Variants in TPP2 observed in about 807,000 individuals in gnomAD.
The protein encoded by TPP2 is tripeptidyl-peptidase 2.
Under a neutral mutation model 155.9 loss-of-function variants are expected in TPP2, and 34 were observed. The observed-to-expected ratio is 0.22, with a 90% CI of 0.17 to 0.29. The LOEUF is 0.29. TPP2 is among the 10% of genes least tolerant of loss of function. TPP2 has a pLI of 1.00. For missense variants in TPP2, 1,028 were observed against 1,522.3 expected (o/e 0.68, Z 5.40); for synonymous variants, 510 against 529.4 (o/e 0.96, Z 0.50).
In TPP2 at chr13:102,649,197, T is replaced by C. The variant is rs767573614; in HGVS notation, c.2873+46T>C. Reference sequence around the variant, plus strand: ...TACTTACTGCCCATCGTATACACTGTAGTCCTTTTAATGTCAGTTTATGAC... The same window carrying C: ...TACTTACTGCCCATCGTATACACTGCAGTCCTTTTAATGTCAGTTTATGAC... On this transcript the variant is annotated intron_variant, in intron 22 of 29. Transcript: ENST00000376052. 3.9e-6 allele frequency: 6 copies of C among 1,538,358 alleles called. 1 individual carries two copies. The South Asian group carries it at 7.8e-5, about 20-fold the overall frequency.
chr13:102,617,025 CAG>C (rs1880792116), intron 4 of TPP2, among the ~76,000 whole-genome samples: 1 of 151,594 alleles, frequency 6.6e-6, no homozygotes, highest in Admixed American at 6.6e-5. Context: ...ATTCTCGCCT[CAG>C]CCTCCTGAGT....
chr13:102,621,173 T>A (rs953106807), intron 5 of TPP2, among the ~76,000 whole-genome samples: 1 of 152,228 alleles, frequency 6.6e-6, no homozygotes, highest in African/African-American at 2.4e-5. Context: ...GTTGGTTGTA[T>A]TGTTGAGTCA....
intron 29 of TPP2, among the ~76,000 whole-genome samples, chr13:102,677,707 T>G (rs1201225082): frequency 1.3e-5 from 2 of 152,208 alleles, no homozygotes; most frequent in South Asian, 4.1e-4. Flanking sequence ...TAGAGATCCT[T>G]TCTTAACCAT....
intron 4 of TPP2, among the ~76,000 whole-genome samples, chr13:102,617,493 C>A (rs1239728730): frequency 6.6e-6 from 1 of 152,086 alleles, no homozygotes; most frequent in Admixed American, 6.6e-5. Context: ...TTTGTGATAG[C>A]CTTTACATGA....
intron 7 of TPP2, 47 bp from the exon 8 acceptor site, chr13:102,627,801 G>A: frequency 7.1e-7 from 1 of 1,417,812 alleles, no homozygotes. Context: ...TGGCTAATCT[G>A]TTTCTGTAAA....
At chr13:102,607,701 C>G (rs1405695430) in intron 2 of TPP2, 2 of 441,572 alleles carry the variant, frequency 4.5e-6, no homozygotes, top group Non-Finnish European at 9.1e-6. Flanking sequence ...ATTCTTCTGC[C>G]TCAGCCTCCC....
chr13:102,654,801 G>A, intron 24 of TPP2: 1 of 374,604 alleles, frequency 2.7e-6, no homozygotes, highest in East Asian at 7.3e-5. Context: ...TGTCTTTGCT[G>A]TACAGATGAC....
intron 24 of TPP2, among the ~76,000 whole-genome samples, chr13:102,655,413 T>G (rs1883790844): frequency 6.6e-6 from 1 of 152,196 alleles, no homozygotes; most frequent in Non-Finnish European, 1.5e-5. Flanking sequence ...ATGAATATAG[T>G]ATTTTAATTT....
intron 16 of TPP2, among the ~76,000 whole-genome samples, chr13:102,640,620 A>ATAATGCCTT (rs1882690708): frequency 6.6e-6 from 1 of 150,432 alleles, no homozygotes; most frequent in African/African-American, 2.4e-5. Flanking sequence ...TTAGTTTAGA[A>ATAATGCCTT]TAATGCCTTA....
chr13:102,618,525 A>G lies in TPP2; in HGVS notation c.496-197A>G, dbSNP rs548993040. On this transcript the variant is annotated intron_variant, in intron 4 of 29. Transcript: ENST00000376052. Reference sequence around the variant, plus strand: ...TAAAATAACTGTTTTTTAGATCTTTATTAATTAGATCTGTATTAATGGGTA... The same window carrying G: ...TAAAATAACTGTTTTTTAGATCTTTGTTAATTAGATCTGTATTAATGGGTA... 2.6e-5 allele frequency among the ~76,000 whole-genome samples: 4 copies of G among 152,336 alleles called. No homozygotes were observed. The East Asian group carries it at 7.7e-4, about 29-fold the overall frequency.
chr13:102,639,899 A>C (rs1040065580), intron 15 of TPP2, among the ~76,000 whole-genome samples: 1 of 152,236 alleles, frequency 6.6e-6, no homozygotes, highest in African/African-American at 2.4e-5. Flanking sequence ...TACCAGTGAC[A>C]TAAAACTTTA....
chr13:102,674,271 T>C lies in TPP2; in HGVS notation c.3372-12T>C. On this transcript the variant is annotated splice_polypyrimidine_tract_variant and intron_variant, in intron 27 of 29. Coordinates refer to ENST00000376052, the MANE Select transcript of TPP2 (RefSeq NM_001330588.2). Reference sequence around the variant, plus strand: ...TACTGATATCTGAAATATTTTTTAATTTGCTGTACAGTGACATGGACAAAC... The same window carrying C: ...TACTGATATCTGAAATATTTTTTAACTTGCTGTACAGTGACATGGACAAAC... 6.3e-7 allele frequency: 1 copy of C among 1,596,248 alleles called. No homozygotes were observed. The highest frequency in any genetic ancestry group is 8.5e-7 in the Non-Finnish European group (1 of 1,172,724).
At chr13:102,649,597 G>T in intron 23 of TPP2, 111 bp downstream of exon 23, 1 of 912,646 alleles carries the variant, frequency 1.1e-6, no homozygotes. Flanking sequence ...ATATACTCTT[G>T]GGGAAAAAAA....
chr13:102,657,230 A>G (rs781400667), intron 25 of TPP2, 23 bp downstream of exon 25: 33 of 1,540,278 alleles, frequency 2.1e-5, no homozygotes, highest in Non-Finnish European at 2.8e-5. Flanking sequence ...ATGTATTTTA[A>G]TTCTTTAAAT....
intron 5 of TPP2, 143 bp from the exon 6 acceptor site, chr13:102,622,734 C>G: frequency 3.3e-6 from 3 of 906,712 alleles, no homozygotes; most frequent in Non-Finnish European, 4.8e-6. Flanking sequence ...CTCTAAGAAA[C>G]AGGCTAAACC....
intron 21 of TPP2, among the ~76,000 whole-genome samples, chr13:102,648,170 T>C (rs542934960): frequency 1.3e-5 from 2 of 152,334 alleles, no homozygotes; most frequent in Admixed American, 6.5e-5. Context: ...TGATCTCTAT[T>C]GGTTTCCTGT....
At position 102,646,284 on chromosome 13, in the gene TPP2, C is replaced by T. The variant is rs1462665954; in HGVS notation, c.2394-10C>T. 1 of 1,603,832 alleles carries T rather than the reference C, an allele frequency of 6.2e-7. No homozygotes were observed. The highest frequency in any genetic ancestry group is 2.2e-5 in the East Asian group (1 of 44,504). The stretch of plus-strand genomic sequence containing the variant: ...TGAATCAAACCAGTTATGTAGTTTC[C>T]TCATTACAGCCCAGTGAGTGCAAAA... On this transcript the variant is annotated splice_polypyrimidine_tract_variant and intron_variant, in intron 19 of 29. Coordinates refer to ENST00000376052, the MANE Select transcript of TPP2 (RefSeq NM_001330588.2).
intron 5 of TPP2, among the ~76,000 whole-genome samples, chr13:102,619,677 A>T (rs556842362): frequency 9.9e-5 from 15 of 151,794 alleles, no homozygotes; most frequent in African/African-American, 3.2e-4. Context: ...GGTGTATGCA[A>T]TGTTAAGTTG....
At chr13:102,669,758 G>A (rs1179041634) in intron 27 of TPP2, among the ~76,000 whole-genome samples, 2 of 152,126 alleles carry the variant, frequency 1.3e-5, no homozygotes, top group African/African-American at 4.8e-5. Context: ...TGGGTGGCTT[G>A]GTCAAGCAGT....
Sources: allele counts gnomAD v4.1 joint callset (sites outside exome capture counted in the v4.1 genomes callset), GRCh38; gene constraint gnomAD v4.1.1; transcripts MANE v1.5; gene names NCBI Gene and HGNC (gene_info 2026-07-23, HGNC 2026-07-21).